VPS8: variants seen among roughly 807,000 people sequenced by gnomAD.
VPS8 encodes the protein vacuolar protein sorting-associated protein 8 homolog.
Under a neutral mutation model 216.4 loss-of-function variants are expected in VPS8, and 129 were observed. The ratio of observed to expected loss-of-function variants is 0.60; its 90% confidence interval spans 0.52 to 0.69. VPS8 has a LOEUF of 0.69. VPS8 is among the 30% of genes least tolerant of loss of function. The probability of loss-of-function intolerance (pLI) is 0.00; values close to 1 mark genes in which losing one functional copy is unlikely to be tolerated. For synonymous variants in VPS8, 571 were observed against 565.4 expected, an observed-to-expected ratio of 1.01 and a Z score of -0.14; for missense variants, 1,531 against 1,683.5, an observed-to-expected ratio of 0.91 and a Z score of 1.59.
chr3:184,891,040 A>G lies in VPS8; in HGVS notation c.1782-3663A>G, dbSNP rs556837136. ...GAAAATAGATCCAGAGTTTATGTAA[A>G]CCATAATTATAATTTTGAACGTTGT... On this transcript the variant is annotated intron_variant, in intron 22 of 47. Transcript: ENST00000625842. Among the ~76,000 whole-genome samples, 4 of 152,206 alleles carry G rather than the reference A, an allele frequency of 2.6e-5. No homozygotes were observed. In the East Asian group the frequency reaches 7.7e-4, roughly 29 times the overall value.
chr3:184,869,568 G>GATTTGCTTTTGTC, intron 20 of VPS8, 40 bp downstream of exon 20: 1 of 1,603,238 alleles, frequency 6.2e-7, no homozygotes, highest in Non-Finnish European at 8.5e-7. Flanking sequence ...ATACAGTGCA[G>GATTTGCTTTTGTC]ATTTGCTTTT....
In VPS8 at chr3:184,886,132, A is replaced by G; in HGVS notation, c.1757A>G (p.Asp586Gly). The change falls in exon 22 of 48, where the codon GAT becomes GGT. Residue 586 changes from aspartate (D) to glycine (G), a missense_variant. Coordinates refer to ENST00000625842, the MANE Select transcript of VPS8 (RefSeq NM_001009921.3). ...CAGGATATGGTGCCTGTCATAGTTG[A>G]TTACTGCCTTCTGCTGCAGCGAAAG... The part of the protein sequence containing the change: ...HFQDMVPVIV[D>G]YCLLLQRKDL... 1.2e-6 allele frequency: 2 copies of G among 1,609,816 alleles called. No individual in the cohort carries two copies. Among genetic ancestry groups the G allele is most frequent in the South Asian group, 2.2e-5 (2 of 89,772 alleles).
chr3:185,011,156 C>T (rs1754966804), intron 45 of VPS8, among the ~76,000 whole-genome samples: 1 of 150,808 alleles, frequency 6.6e-6, no homozygotes, highest in African/African-American at 2.4e-5. Context: ...AGTTCTAATT[C>T]CAGTAACAGC....
At chr3:184,913,798 A>G (rs746146650) in intron 26 of VPS8, among the ~76,000 whole-genome samples, 71 of 152,302 alleles carry the variant, frequency 4.7e-4, no homozygotes, top group African/African-American at 1.7e-3. Flanking sequence ...TGCTACTGGT[A>G]TCTAGTGGGC....
At position 184,928,514 on chromosome 3, in the gene VPS8, A is replaced by G; in HGVS notation, c.2695A>G (p.Met899Val). Residue 899 changes from methionine to valine, a missense_variant, in exon 32 of 48, where the codon ATG becomes GTG. By Grantham distance (21) the Met-to-Val change is conservative. Around this residue, in one of 3 missense-constraint regions of VPS8, gnomAD observed 1,318 missense variants for 1,468.4 expected, o/e 0.90. Coordinates refer to ENST00000625842, the MANE Select transcript of VPS8 (RefSeq NM_001009921.3). ...VQFEESRLIR[M>V]AEKAEFYQIC... ...ATTTGAAGAGAGTCGACTCATCCGG[A>G]TGGCAGAAAAAGCTGAGTTGTAAGT... is the stretch of plus-strand genomic sequence containing the variant. The G allele has an allele frequency of 6.6e-7, 1 of 1,522,458 alleles. No homozygotes were observed. The allele number at this position is 1,522,458 out of a possible 1,614,324, so 94.3% of individuals were successfully genotyped here.
chr3:184,839,936 T>C (rs1187095359), intron 7 of VPS8, 184 bp downstream of exon 7: 3 of 1,340,476 alleles, frequency 2.2e-6, no homozygotes, highest in Non-Finnish European at 2.9e-6. Context: ...TTTTGCTGCT[T>C]ATTGCAAGTT....
chr3:184,839,657 A>G, intron 6 of VPS8, 41 bp from the exon 7 acceptor site: 1 of 1,552,702 alleles, frequency 6.4e-7, no homozygotes. Context: ...CAAGATTCTT[A>G]ATGTAATGTC....
At chr3:184,950,153 C>T (rs868379119) in intron 36 of VPS8, among the ~76,000 whole-genome samples, 4 of 151,506 alleles carry the variant, frequency 2.6e-5, no homozygotes, top group South Asian at 4.2e-4. Context: ...AAGAATCCAC[C>T]CACCTCAGCC....
chr3:184,948,222 C>CTTTT (rs61186163), intron 36 of VPS8, among the ~76,000 whole-genome samples: 1 of 146,054 alleles, frequency 6.8e-6, no homozygotes, highest in Admixed American at 6.8e-5. Flanking sequence ...CATATAGGCT[C>CTTTT]TTTTTTTTTT....
At chr3:184,818,153 C>T (rs1445477401) in intron 1 of VPS8, among the ~76,000 whole-genome samples, 1 of 152,088 alleles carries the variant, frequency 6.6e-6, no homozygotes, top group Non-Finnish European at 1.5e-5. Context: ...GGGAAGGAGG[C>T]AGAAGGATCA....
intron 46 of VPS8, among the ~76,000 whole-genome samples, chr3:185,040,843 A>T (rs1475547904): frequency 6.6e-6 from 1 of 152,042 alleles, no homozygotes; most frequent in Non-Finnish European, 1.5e-5. Context: ...CTTGGGAATC[A>T]TTTTTTTCCT....
intron 42 of VPS8, among the ~76,000 whole-genome samples, chr3:184,984,194 A>AAAAACAAAAAAAAAAAAAACTCACCAAG: frequency 2.1e-5 from 1 of 46,528 alleles, no homozygotes; most frequent in African/African-American, 6.7e-5. Context: ...AAAAAAAAAA[A>AAAAACAAAAAAAAAAAAAACTCACCAAG]CTCTACTTCC....
intron 21 of VPS8, among the ~76,000 whole-genome samples, chr3:184,882,197 T>TA (rs1352642128): frequency 6.6e-6 from 1 of 152,118 alleles, no homozygotes; most frequent in East Asian, 1.9e-4. Flanking sequence ...AGTATAATAT[T>TA]AGCTGTAGAT....
rs1577097132 is a variant in VPS8 at position 184,996,481 on chromosome 3, T to C, written c.3816T>C (p.Ala1272=). 1 of 1,606,954 alleles carries C rather than the reference T, an allele frequency of 6.2e-7. No homozygotes were observed. The highest frequency in any genetic ancestry group is 1.7e-4 in the Middle Eastern group (1 of 6,022). The part of the protein sequence containing the change: ...LQQYKRRQEM[A]DEIIVFSCGH... ...AGTACAAGAGACGCCAAGAAATGGC[T>C]GATGAAATAATTGTCTTTAGGTAAG... Residue 1272 remains alanine (A), a synonymous_variant, in exon 44 of 48, where the codon GCT becomes GCC. Transcript: ENST00000625842.
In VPS8 at chr3:184,843,408, A is replaced by AAT. The variant is rs551434006; in HGVS notation, c.541+173_541+174dup. On this transcript the variant is annotated intron_variant, in intron 8 of 47. Coordinates refer to ENST00000625842, the MANE Select transcript of VPS8 (RefSeq NM_001009921.3). The stretch of plus-strand genomic sequence containing the variant: ...AAGTGGGAAATTGTGAAAAACTGTA[A>AAT]ATATATATATACCTTCAATGTTTTA... 1.2e-4 allele frequency among the ~76,000 whole-genome samples: 18 copies of AAT among 152,226 alleles called. 1 individual carries two copies. The South Asian group carries it at 3.1e-3, about 26-fold the overall frequency.
chr3:184,855,110 A>AT (rs941133729), intron 13 of VPS8, among the ~76,000 whole-genome samples: 1 of 151,054 alleles, frequency 6.6e-6, no homozygotes. Context: ...GCGAATTGAG[A>AT]TTTTTTTCAT....
chr3:184,824,162 A>G (rs1442798570), intron 1 of VPS8: 1 of 155,496 alleles, frequency 6.4e-6, no homozygotes. Context: ...CTGGAGCACT[A>G]CCCTGGGGTT....
chr3:185,001,517 C>T (rs965244708), intron 45 of VPS8, among the ~76,000 whole-genome samples: 3 of 152,218 alleles, frequency 2.0e-5, no homozygotes, highest in East Asian at 3.8e-4. Flanking sequence ...ATTCCATGCC[C>T]TTTCTGGGCC....
chr3:184,965,615 A>G (rs1747275389), intron 38 of VPS8, among the ~76,000 whole-genome samples: 1 of 152,258 alleles, frequency 6.6e-6, no homozygotes, highest in African/African-American at 2.4e-5. Context: ...TTTGTTGGAC[A>G]CGCTAAAGAA....
Sources: allele counts gnomAD v4.1 joint callset (sites outside exome capture counted in the v4.1 genomes callset), GRCh38; gene constraint gnomAD v4.1.1; regional missense constraint gnomAD v4.1.1; transcripts MANE v1.5; gene names NCBI Gene and HGNC (gene_info 2026-07-23, HGNC 2026-07-21).